SLC35F3: variants seen among roughly 807,000 people sequenced by gnomAD.
The protein encoded by SLC35F3 is solute carrier family 35 member F3.
A neutral mutation model predicts 49.9 loss-of-function variants in SLC35F3; 25 were observed. The ratio of observed to expected loss-of-function variants is 0.50; its 90% confidence interval spans 0.37 to 0.70. The LOEUF (loss-of-function observed/expected upper bound fraction) is 0.70. Among genes scored for constraint, SLC35F3 ranks in the 30% least tolerant of loss-of-function variants. SLC35F3 has a pLI of 0.00. For missense variants in SLC35F3, 525 were observed against 639.8 expected, an observed-to-expected ratio of 0.82 and a Z score of 1.94; for synonymous variants, 275 against 265.4, an observed-to-expected ratio of 1.04 and a Z score of -0.35.
chr1:233,946,969 C>A (rs1395516498), intron 2 of SLC35F3, among the ~76,000 whole-genome samples: 6 of 152,024 alleles, frequency 3.9e-5, no homozygotes, highest in Non-Finnish European at 8.8e-5. Flanking sequence ...AAATTTTGGG[C>A]AAAATATTCA....
intron 2 of SLC35F3, among the ~76,000 whole-genome samples, chr1:234,001,820 T>A (rs934453585): frequency 1.3e-5 from 2 of 152,246 alleles, no homozygotes; most frequent in Non-Finnish European, 1.5e-5. Context: ...GAATCCACTA[T>A]TCCCCCATCT....
chr1:234,252,545 A>G (rs1326824614), intron 3 of SLC35F3, among the ~76,000 whole-genome samples: 1 of 152,200 alleles, frequency 6.6e-6, no homozygotes, highest in South Asian at 2.1e-4. Flanking sequence ...CAACAACTCA[A>G]TAGAGAAATG....
At chr1:234,106,273 T>A (rs982508101) in intron 2 of SLC35F3, among the ~76,000 whole-genome samples, 2 of 152,234 alleles carry the variant, frequency 1.3e-5, no homozygotes, top group African/African-American at 4.8e-5. Flanking sequence ...AAGTGTCTGC[T>A]GGGGACTTCT....
At chr1:234,069,753 C>T (rs962686358) in intron 2 of SLC35F3, among the ~76,000 whole-genome samples, 6 of 152,186 alleles carry the variant, frequency 3.9e-5, no homozygotes, top group African/African-American at 1.4e-4. Flanking sequence ...GCACTCTTAA[C>T]ACAGTCTTGC....
intron 2 of SLC35F3, among the ~76,000 whole-genome samples, chr1:234,228,789 G>A (rs927703903): frequency 3.3e-5 from 5 of 152,088 alleles, no homozygotes; most frequent in African/African-American, 7.2e-5. Context: ...GGGAAAATGC[G>A]GCAGCCAATG....
chr1:234,264,162 AAT>A (rs1667946886), intron 3 of SLC35F3, among the ~76,000 whole-genome samples: 1 of 152,204 alleles, frequency 6.6e-6, no homozygotes, highest in African/African-American at 2.4e-5. Context: ...GCAATACAGA[AAT>A]ATTAGCAATA....
intron 2 of SLC35F3, among the ~76,000 whole-genome samples, chr1:234,222,626 T>A (rs369909758): frequency 6.6e-6 from 1 of 152,152 alleles, no homozygotes; most frequent in African/African-American, 2.4e-5. Context: ...CTCCAGCATG[T>A]CCCTCTTCCT....
chr1:234,312,536 C>A (rs965657682), intron 4 of SLC35F3, among the ~76,000 whole-genome samples: 2 of 152,204 alleles, frequency 1.3e-5, no homozygotes, highest in African/African-American at 4.8e-5. Flanking sequence ...CCCTCTGCAA[C>A]CTGAGCCCAG....
rs567718988 is a variant in SLC35F3, at chr1:233,936,716, T to G, written c.283+30958T>G. Among the ~76,000 whole-genome samples, 20 of 152,036 alleles carry G rather than the reference T, an allele frequency of 1.3e-4. No individual in the cohort carries two copies. The South Asian group carries it at 2.5e-3, about 19-fold the overall frequency. On this transcript the variant is annotated intron_variant, in intron 2 of 7. Transcript: ENST00000366618. Reference sequence around the variant, plus strand: ...TCCTTCTTCTTTTTTTGAGACAGGGTCTTGCTATGTCGCCCAAGCTGAAGT... The same window carrying G: ...TCCTTCTTCTTTTTTTGAGACAGGGGCTTGCTATGTCGCCCAAGCTGAAGT...
chr1:233,997,036 A>T, intron 2 of SLC35F3, among the ~76,000 whole-genome samples: 1 of 152,184 alleles, frequency 6.6e-6, no homozygotes, highest in Non-Finnish European at 1.5e-5. Flanking sequence ...CTTATTTCAT[A>T]TAGCATAATG....
At chr1:233,987,026 C>T (rs541174005) in intron 2 of SLC35F3, among the ~76,000 whole-genome samples, 1 of 152,288 alleles carries the variant, frequency 6.6e-6, no homozygotes, top group South Asian at 2.1e-4. Context: ...AGCACTCATG[C>T]TTTTAATCCC....
intron 2 of SLC35F3, among the ~76,000 whole-genome samples, chr1:234,070,525 C>T (rs1664696984): frequency 6.6e-6 from 1 of 152,140 alleles, no homozygotes; most frequent in Non-Finnish European, 1.5e-5. Context: ...TGACTAATTT[C>T]CAGTTTAGCA....
At chr1:234,145,561 T>C (rs1426955341) in intron 2 of SLC35F3, among the ~76,000 whole-genome samples, 3 of 152,100 alleles carry the variant, frequency 2.0e-5, no homozygotes, top group African/African-American at 7.2e-5. Flanking sequence ...CAACCACGGA[T>C]CAAAAATATT....
intron 2 of SLC35F3, among the ~76,000 whole-genome samples, chr1:234,088,750 C>T (rs1349494569): frequency 1.3e-5 from 2 of 152,064 alleles, no homozygotes; most frequent in Non-Finnish European, 2.9e-5. Context: ...TGTTACAGAA[C>T]ACAGAAGATT....
At chr1:234,180,158 A>G (rs148972017) in intron 2 of SLC35F3, among the ~76,000 whole-genome samples, 1 of 152,336 alleles carries the variant, frequency 6.6e-6, no homozygotes, top group East Asian at 1.9e-4. Context: ...TGTTGGTTCT[A>G]CAGGTGAGCC....
chr1:234,205,494 C>T (rs1346872953), intron 2 of SLC35F3, among the ~76,000 whole-genome samples: 1 of 152,166 alleles, frequency 6.6e-6, no homozygotes, highest in African/African-American at 2.4e-5. Flanking sequence ...CAGCTAGCAC[C>T]AGGAATGCTG....
chr1:234,314,044 A>G (rs557283190), intron 4 of SLC35F3, among the ~76,000 whole-genome samples: 91 of 152,310 alleles, frequency 6.0e-4, no homozygotes, highest in South Asian at 2.1e-3. Flanking sequence ...CGGTCATAGC[A>G]GGGCTGCTGA....
In SLC35F3 at chr1:234,183,464, T is replaced by C. The variant is rs1487453379; in HGVS notation, c.284-47953T>C. 1.4e-5 allele frequency among the ~76,000 whole-genome samples: 2 copies of C among 143,218 alleles called. 1 individual carries two copies. The highest frequency in any genetic ancestry group is 3.0e-5 in the Non-Finnish European group (2 of 67,148). 94.0% of individuals were successfully genotyped at this position (143,218 alleles called of 152,430 possible). On this transcript the variant is annotated intron_variant, in intron 2 of 7. Coordinates refer to ENST00000366618, the MANE Select transcript of SLC35F3 (RefSeq NM_173508.4). ...TATGTAAATATTTCAGAGTGATGTATTCCAATTTTTTAAAGCAAATGAATT... is the reference window on the plus strand; with the variant it reads ...TATGTAAATATTTCAGAGTGATGTACTCCAATTTTTTAAAGCAAATGAATT...
intron 3 of SLC35F3, among the ~76,000 whole-genome samples, chr1:234,267,943 C>T (rs1423760472): frequency 1.4e-5 from 2 of 147,722 alleles, no homozygotes; most frequent in Non-Finnish European, 1.5e-5. Context: ...GGATGGCAGC[C>T]GGGCAGAGAC....
Sources: allele counts gnomAD v4.1 joint callset (sites outside exome capture counted in the v4.1 genomes callset), GRCh38; gene constraint gnomAD v4.1.1; transcripts MANE v1.5; gene names NCBI Gene and HGNC (gene_info 2026-07-23, HGNC 2026-07-21).